The following KCNQ1 variants were observed in gnomAD, a reference collection of about 807,000 sequenced individuals.
The protein encoded by KCNQ1 is potassium voltage-gated channel subfamily Q member 1, also known as potassium voltage-gated channel subfamily KQT member 1.
KCNQ1 carries 49 observed loss-of-function variants against 72.4 expected under a neutral mutation model. The ratio of observed to expected loss-of-function variants is 0.68; its 90% CI spans 0.54 to 0.86. The LOEUF is 0.86. KCNQ1 is among the 40% of genes least tolerant of loss of function. KCNQ1 has a pLI of 0.00. For synonymous variants in KCNQ1, 450 were observed against 412.6 expected (o/e 1.09, Z -1.10); for missense variants, 790 against 945.1 (o/e 0.84, Z 2.15).
At chr11:2,688,239 G>C (rs926917875) in intron 11 of KCNQ1, 1 of 398,660 alleles carries the variant, frequency 2.5e-6, no homozygotes, top group East Asian at 3.6e-5. Context: ...ACTCATACAG[G>C]GCTGTTTGAT....
At chr11:2,805,743 A>G (rs1028746192) in intron 15 of KCNQ1, among the ~76,000 whole-genome samples, 3 of 152,164 alleles carry the variant, frequency 2.0e-5, no homozygotes, top group Non-Finnish European at 4.4e-5. Flanking sequence ...AAATGAACCT[A>G]ATTGTGTGGT....
At position 2,750,052 on chromosome 11, in the gene KCNQ1, G is replaced by C. The variant is rs1846203800; in HGVS notation, c.1515-18792G>C. Among the ~76,000 whole-genome samples, 1 of 152,284 alleles carries C rather than the reference G, an allele frequency of 6.6e-6. No individual in the cohort carries two copies. Among genetic ancestry groups the C allele is most frequent in the Admixed American group, 6.5e-5 (1 of 15,302 alleles). ...AAAATGGGGTGAGAGGGAGGGAGTGGGAACAGCCAAGAGGCCAGGAAGCGG... is the reference window on the plus strand; with the variant it reads ...AAAATGGGGTGAGAGGGAGGGAGTGCGAACAGCCAAGAGGCCAGGAAGCGG... On this transcript the variant is annotated intron_variant, in intron 11 of 15. Coordinates refer to ENST00000155840, the MANE Select transcript of KCNQ1 (RefSeq NM_000218.3). The surrounding 1 kb of genome is among the most constrained non-coding windows in gnomAD (Gnocchi z 6.3).
intron 11 of KCNQ1, among the ~76,000 whole-genome samples, chr11:2,763,402 G>A (rs199654882): frequency 1.0e-3 from 146 of 141,078 alleles, no homozygotes; most frequent in South Asian, 1.1e-3. Context: ...CATCTTAGAA[G>A]AAAAAAAAAA....
In KCNQ1 at chr11:2,768,761, G is replaced by A. The variant is rs1464492071; in HGVS notation, c.1515-83G>A. 8 of 1,015,260 alleles carry A rather than the reference G, an allele frequency of 7.9e-6. No individual in the cohort carries two copies. The East Asian group carries it at 1.9e-4, about 24-fold the overall frequency. The allele number at this position is 1,015,260 out of a possible 1,614,324, so 62.9% of individuals were successfully genotyped here. A position where few individuals can be genotyped will look rare whatever the true frequency, so the allele number is the denominator to read the frequency against. Reference sequence around the variant, plus strand: ...GTTTCTGGAAGGATCCAGTCTGCGTGCTCCTCAGGCAGTGCAGGGGCAGTG... The same window carrying A: ...GTTTCTGGAAGGATCCAGTCTGCGTACTCCTCAGGCAGTGCAGGGGCAGTG... On this transcript the variant is annotated intron_variant, in intron 11 of 15. Coordinates refer to ENST00000155840, the MANE Select transcript of KCNQ1 (RefSeq NM_000218.3). This position sits in a 1 kb window ranked among gnomAD's most constrained non-coding sequence, Gnocchi z 6.7.
At position 2,479,227 on chromosome 11, in the gene KCNQ1, C is replaced by T. The variant is rs1589903449; in HGVS notation, c.386+33743C>T. 1.3e-5 allele frequency among the ~76,000 whole-genome samples: 2 copies of T among 152,206 alleles called. No homozygotes were observed. The highest frequency in any genetic ancestry group is 4.1e-4 in the South Asian group (2 of 4,828). ...ATCTATCATTCTGGGATCTGGAGGA[C>T]AGTGGCCCTCTTCTCACAGCTCCAC... On this transcript the variant is annotated intron_variant, in intron 1 of 15. Coordinates refer to ENST00000155840, the MANE Select transcript of KCNQ1 (RefSeq NM_000218.3). This position sits in a 1 kb window ranked among gnomAD's most constrained non-coding sequence, Gnocchi z 4.6.
At chr11:2,837,884 G>A (rs575368154) in intron 15 of KCNQ1, among the ~76,000 whole-genome samples, 7 of 152,350 alleles carry the variant, frequency 4.6e-5, no homozygotes, top group South Asian at 2.1e-4. Flanking sequence ...CTGGTATCTC[G>A]AGAACAGCAG....
intron 1 of KCNQ1, among the ~76,000 whole-genome samples, chr11:2,524,623 CTG>C (rs1286733346): frequency 2.0e-5 from 3 of 152,202 alleles, no homozygotes; most frequent in Non-Finnish European, 4.4e-5. Flanking sequence ...CCCAGGGCCC[CTG>C]GTGGGTGGTG....
chr11:2,489,282 T>C (rs1294059363), intron 1 of KCNQ1, among the ~76,000 whole-genome samples: 4 of 152,128 alleles, frequency 2.6e-5, no homozygotes, highest in Admixed American at 2.6e-4. Flanking sequence ...TCGAGCTCAG[T>C]GATTCCCTGT....
intron 11 of KCNQ1, among the ~76,000 whole-genome samples, chr11:2,733,814 A>ACACACACACTCTCTCTCACTCTCTCT: frequency 1.2e-5 from 1 of 86,614 alleles, no homozygotes. Context: ...ACACACACAC[A>ACACACACACTCTCTCTCACTCTCTCT]CTCTCTCACT....
In KCNQ1 at chr11:2,651,369, A is replaced by G; in HGVS notation, c.1394-10592A>G. ...AGAGCTGGGGTATTTATCTTTCACT[A>G]GTGAGTGCTGCCCCGGTGGTGGCTC... On this transcript the variant is annotated intron_variant, in intron 10 of 15. Coordinates refer to ENST00000155840, the MANE Select transcript of KCNQ1 (RefSeq NM_000218.3). This position sits in a 1 kb window ranked among gnomAD's most constrained non-coding sequence, Gnocchi z 6.1. 2.5e-6 allele frequency: 1 copy of G among 398,740 alleles called. No homozygotes were observed. The highest frequency in any genetic ancestry group is 4.4e-6 in the Non-Finnish European group (1 of 226,154). The allele number at this position is 398,740 out of a possible 1,614,324, so 24.7% of individuals were successfully genotyped here.
rs1038256078 is a variant in KCNQ1 at position 2,759,963 on chromosome 11, C to T, written c.1515-8881C>T. On this transcript the variant is annotated intron_variant, in intron 11 of 15. Coordinates refer to ENST00000155840, the MANE Select transcript of KCNQ1 (RefSeq NM_000218.3). This position sits in a 1 kb window ranked among gnomAD's most constrained non-coding sequence, Gnocchi z 4.4. Reference sequence around the variant, plus strand: ...GGATCTGCCTGGATGGAGGCCAGGCCGCTGAGCTGCTGGGAATCTGTTCCA... The same window carrying T: ...GGATCTGCCTGGATGGAGGCCAGGCTGCTGAGCTGCTGGGAATCTGTTCCA... Among the ~76,000 whole-genome samples, 1 of 152,230 alleles carries T rather than the reference C, an allele frequency of 6.6e-6. No homozygotes were observed. Among genetic ancestry groups the T allele is most frequent in the African/African-American group, 2.4e-5 (1 of 41,454 alleles).
At chr11:2,733,808 A>T (rs112559252) in intron 11 of KCNQ1, among the ~76,000 whole-genome samples, 2,431 of 63,176 alleles carry the variant, frequency 0.038, 214 homozygotes, top group African/African-American at 0.14. Flanking sequence ...ACACACACAC[A>T]CACACACTCT....
intron 11 of KCNQ1, among the ~76,000 whole-genome samples, chr11:2,700,160 G>T (rs1438544617): frequency 6.6e-6 from 1 of 152,210 alleles, no homozygotes; most frequent in East Asian, 1.9e-4. Context: ...GGCCGAAAGA[G>T]TCTCGTTTTG....
At chr11:2,738,643 T>C (rs1845998051) in intron 11 of KCNQ1, among the ~76,000 whole-genome samples, 1 of 152,110 alleles carries the variant, frequency 6.6e-6, no homozygotes, top group Non-Finnish European at 1.5e-5. Flanking sequence ...GGGCTTAGCC[T>C]GGAGAGGGGC....
rs968684832 is a variant in KCNQ1, at chr11:2,711,807, G to A, written c.1514+49726G>A. On this transcript the variant is annotated intron_variant, in intron 11 of 15. Coordinates refer to ENST00000155840, the MANE Select transcript of KCNQ1 (RefSeq NM_000218.3). The surrounding 1 kb of genome is among the most constrained non-coding windows in gnomAD (Gnocchi z 5.4). ...AACTCGAGGGTCTCAAATCCACTCA[G>A]CAGACTTAGGAGGGAGGGTCCTGGC... Among the ~76,000 whole-genome samples the A allele has an allele frequency of 5.3e-5, 8 of 152,184 alleles. No individual in the cohort carries two copies. Among genetic ancestry groups the A allele is most frequent in the Non-Finnish European group, 7.3e-5 (5 of 68,038 alleles).
In KCNQ1 at chr11:2,759,231, G is replaced by A. The variant is rs546692236; in HGVS notation, c.1515-9613G>A. Among the ~76,000 whole-genome samples, 2 of 152,232 alleles carry A rather than the reference G, an allele frequency of 1.3e-5. No individual in the cohort carries two copies. The highest frequency in any genetic ancestry group is 1.9e-4 in the East Asian group (1 of 5,174). ...GATGTGCTTGTGTCTGCTGACATAA[G>A]TGCTCAAGGAAGAGTCTGGAAGGCC... On this transcript the variant is annotated intron_variant, in intron 11 of 15. Coordinates refer to ENST00000155840, the MANE Select transcript of KCNQ1 (RefSeq NM_000218.3). This position sits in a 1 kb window ranked among gnomAD's most constrained non-coding sequence, Gnocchi z 4.4.
Position 2,603,822 on chromosome 11 carries a change from G to T in KCNQ1, c.1393+14968G>T, listed in dbSNP as rs543403562. 4.0e-4 allele frequency among the ~76,000 whole-genome samples: 61 copies of T among 151,994 alleles called. No homozygotes were observed. The highest frequency in any genetic ancestry group is 1.4e-3 in the African/African-American group (58 of 41,484). ...TCACCCGCCTCAGCCTCCCAAGTAG[G>T]TGGGATTACGGGCACGCACCACCAA... On this transcript the variant is annotated intron_variant, in intron 10 of 15. Coordinates refer to ENST00000155840, the MANE Select transcript of KCNQ1 (RefSeq NM_000218.3). This position sits in a 1 kb window ranked among gnomAD's most constrained non-coding sequence, Gnocchi z 4.1.
In KCNQ1 at chr11:2,777,969, C is replaced by G. The variant is rs367568223; in HGVS notation, c.1733-7C>G. ...TGGCCCTGATTTGGGTGTTTTATCC[C>G]CCATAGAAAAGAGCAAGGATCGCGG... is the stretch of plus-strand genomic sequence containing the variant. On this transcript the variant is annotated splice_polypyrimidine_tract_variant and splice_region_variant and intron_variant, in intron 14 of 15. Coordinates refer to ENST00000155840, the MANE Select transcript of KCNQ1 (RefSeq NM_000218.3). 68 of 1,613,682 alleles carry G rather than the reference C, an allele frequency of 4.2e-5. No homozygotes were observed. The highest frequency in any genetic ancestry group is 1.6e-4 in the Middle Eastern group (1 of 6,082).
In KCNQ1 at chr11:2,724,495, G is replaced by A. The variant is rs1845724362; in HGVS notation, c.1515-44349G>A. Among the ~76,000 whole-genome samples, 1 of 152,198 alleles carries A rather than the reference G, an allele frequency of 6.6e-6. No homozygotes were observed. The highest frequency in any genetic ancestry group is 2.4e-5 in the African/African-American group (1 of 41,458). On this transcript the variant is annotated intron_variant, in intron 11 of 15. Transcript: ENST00000155840. This position sits in a 1 kb window ranked among gnomAD's most constrained non-coding sequence, Gnocchi z 6.8. ...GAGGGCAAAGAGAGAGAAGTGGTGG[G>A]TGGCAGCGAGCAGGCTGTCCTGCAA...
Sources: allele counts gnomAD v4.1 joint callset (sites outside exome capture counted in the v4.1 genomes callset), GRCh38; gene constraint gnomAD v4.1.1; non-coding constraint Gnocchi (gnomAD v3.1); transcripts MANE v1.5; gene names NCBI Gene and HGNC (gene_info 2026-07-23, HGNC 2026-07-21).